Variants in SHPRH observed in about 807,000 individuals in gnomAD.
SHPRH encodes E3 ubiquitin-protein ligase SHPRH.
In SHPRH, 106 loss-of-function variants were observed where a neutral mutation model predicts 202.5. The ratio of observed to expected loss-of-function variants is 0.52; its 90% CI spans 0.45 to 0.62. SHPRH has a LOEUF of 0.62. Among genes scored for constraint, SHPRH ranks in the 20% least tolerant of loss-of-function variants. The pLI, the probability that SHPRH is intolerant of heterozygous loss-of-function variation, is 0.00. For synonymous variants in SHPRH, 729 were observed against 686.0 expected, an observed-to-expected ratio of 1.06 and a Z score of -0.98; for missense variants, 1,710 against 2,020.0, an observed-to-expected ratio of 0.85 and a Z score of 2.94.
At chr6:145,902,317 C>G (rs1235961213) in intron 25 of SHPRH, among the ~76,000 whole-genome samples, 1 of 152,078 alleles carries the variant, frequency 6.6e-6, no homozygotes, top group Non-Finnish European at 1.5e-5. Context: ...CTTATCTGCT[C>G]TAACAGGTGC....
chr6:145,922,551 G>A (rs1784514713), intron 19 of SHPRH, 112 bp downstream of exon 19: 1 of 1,325,808 alleles, frequency 7.5e-7, no homozygotes, highest in East Asian at 2.5e-5. Flanking sequence ...TTCTACTTCT[G>A]TCTCAATTAA....
chr6:145,943,071 A>G (rs1786965785), intron 9 of SHPRH, 72 bp downstream of exon 9: 2 of 1,473,974 alleles, frequency 1.4e-6, no homozygotes, highest in African/African-American at 2.8e-5. Flanking sequence ...CAAAGAAACA[A>G]AGATTAGGAA....
rs768492394 is a variant in SHPRH at position 145,943,130 on chromosome 6, C to T, written c.2238+13G>A. On this transcript the variant is annotated intron_variant, in intron 9 of 29. Coordinates refer to ENST00000275233, the MANE Select transcript of SHPRH (RefSeq NM_001042683.3). ...TACATTTTCCTCTCCCTCTTTAGTCCAAGTGGCCTTACCAAGACTCGAAGA... is the reference window on the plus strand; with the variant it reads ...TACATTTTCCTCTCCCTCTTTAGTCTAAGTGGCCTTACCAAGACTCGAAGA... 3.2e-6 allele frequency: 5 copies of T among 1,559,546 alleles called. No individual in the cohort carries two copies.
intron 2 of SHPRH, among the ~76,000 whole-genome samples, chr6:145,875,669 G>C (rs1185080809): frequency 6.6e-6 from 1 of 152,140 alleles, no homozygotes; most frequent in African/African-American, 2.4e-5. Context: ...CGTCATGAGG[G>C]TTAATGAGAG....
intron 25 of SHPRH, chr6:145,908,744 A>T (rs1469490344): frequency 2.6e-5 from 4 of 151,994 alleles, no homozygotes; most frequent in African/African-American, 7.2e-5. Context: ...GCTCTGCAGA[A>T]GCTCTTTAAT....
chr6:145,955,231 T>G lies in SHPRH; in HGVS notation c.92A>C (p.Asn31Thr), dbSNP rs1238193143. 1 of 1,613,558 alleles carries G rather than the reference T, an allele frequency of 6.2e-7. No homozygotes were observed. Among genetic ancestry groups the G allele is most frequent in the Admixed American group, 1.7e-5 (1 of 60,010 alleles). The change falls in exon 2 of 30, where the codon AAT becomes ACT. Residue 31 changes from asparagine (N) to threonine (T), a missense_variant. This residue lies in a region of SHPRH where 459 missense variants were observed against 426.5 expected (regional missense o/e 1.08). Coordinates refer to ENST00000275233, the MANE Select transcript of SHPRH (RefSeq NM_001042683.3). ...ATCATCACTTATGATGATAGGTTCA[T>G]TCCTTCTGTCCTCATGCATATTCCA... ...LHWNMHEDRR[N>T]EPIIISDDDE...
intron 24 of SHPRH, among the ~76,000 whole-genome samples, chr6:145,912,704 C>A (rs774455454): frequency 3.9e-5 from 6 of 151,990 alleles, no homozygotes; most frequent in Non-Finnish European, 8.8e-5. Context: ...AAGGTACTTT[C>A]TTCTTGATTA....
rs993567257 is a variant in SHPRH at position 145,884,886 on chromosome 6, GT to G, written c.*1804del. On this transcript the variant is annotated 3_prime_UTR_variant, in exon 30 of 30. Coordinates refer to ENST00000275233, the MANE Select transcript of SHPRH (RefSeq NM_001042683.3). ...AACAGTTTTTGTCTAATACAGATAG[GT>G]TTTTTTATATATATGTAATTTGATT... is the stretch of plus-strand genomic sequence containing the variant. The G allele has an allele frequency of 1.5e-4, 23 of 151,922 alleles. No individual in the cohort carries two copies. The highest frequency in any genetic ancestry group is 4.8e-4 in the African/African-American group (20 of 41,364). 9.4% of individuals were successfully genotyped at this position (151,922 alleles called of 1,614,324 possible).
At chr6:145,867,536 G>C (rs1367366266) in intron 2 of SHPRH, among the ~76,000 whole-genome samples, 2 of 147,714 alleles carry the variant, frequency 1.4e-5, no homozygotes, top group Non-Finnish European at 3.0e-5. Context: ...AGCTGCAGTG[G>C]GCTGTGATTG....
At chr6:145,887,821 T>A (rs1051959555) in intron 29 of SHPRH, among the ~76,000 whole-genome samples, 199 bp downstream of exon 29, 4 of 152,214 alleles carry the variant, frequency 2.6e-5, no homozygotes, top group African/African-American at 9.6e-5. Context: ...ATTTACATGT[T>A]ACAATTAATA....
Position 145,918,217 on chromosome 6 carries a change from T to C in SHPRH, c.4168A>G (p.Ile1390Val), listed in dbSNP as rs1784118428. ...IEPHEVEQNRIKLLNDKAVAT... is the reference protein window; with the variant it reads ...IEPHEVEQNRVKLLNDKAVAT... ...ACAGCTTTATCATTTAGTAGTTTTA[T>C]TCGGTTTTGTTCTACCTAAAGAAAA... The change falls in exon 23 of 30, where the codon ATA (isoleucine) becomes GTA (valine). Residue 1390 changes from isoleucine to valine, a missense_variant. Transcript: ENST00000275233. 3 of 1,581,674 alleles carry C rather than the reference T, an allele frequency of 1.9e-6. No homozygotes were observed. The highest frequency in any genetic ancestry group is 2.3e-5 in the East Asian group (1 of 43,532).
At chr6:145,886,982 A>AG (rs1781078156) in intron 29 of SHPRH, among the ~76,000 whole-genome samples, 195 bp from the exon 30 acceptor site, 1 of 152,210 alleles carries the variant, frequency 6.6e-6, no homozygotes, top group South Asian at 2.1e-4. Flanking sequence ...TATTACTTTT[A>AG]GTGTTTGTCA....
intron 2 of SHPRH, among the ~76,000 whole-genome samples, chr6:145,867,139 T>G (rs1184329883): frequency 2.6e-5 from 4 of 152,194 alleles, no homozygotes; most frequent in African/African-American, 4.8e-5. Context: ...ATTTTTTAAC[T>G]GTTTCAGTAT....
chr6:145,921,517 T>C, intron 20 of SHPRH, 125 bp from the exon 21 acceptor site: 1 of 897,450 alleles, frequency 1.1e-6, no homozygotes, highest in Non-Finnish European at 1.6e-6. Flanking sequence ...TTGAAAAAGC[T>C]GAAAACATCA....
intron 28 of SHPRH, among the ~76,000 whole-genome samples, chr6:145,888,992 G>A (rs995230249): frequency 2.0e-5 from 3 of 152,152 alleles, no homozygotes; most frequent in African/African-American, 7.2e-5. Context: ...AGCTCAGGGT[G>A]GGAGTGAGAG....
intron 25 of SHPRH, chr6:145,907,474 A>T (rs748937354): frequency 6.6e-6 from 1 of 152,152 alleles, no homozygotes; most frequent in African/African-American, 2.4e-5. Flanking sequence ...CCCTGCTTAT[A>T]ATATTTAATG....
Position 145,874,531 on chromosome 6 carries a change from ATAATG to A in SHPRH, c.222-10045_222-10041del, listed in dbSNP as rs146208693. 5.3e-4 allele frequency among the ~76,000 whole-genome samples: 81 copies of A among 152,340 alleles called. 1 individual carries two copies. The East Asian group carries it at 0.013, about 24-fold the overall frequency. ...CAAAAATTGTACATATTTAAGGTGT[ATAATG>A]TAATGTTTTGATATACATATACATT... On this transcript the variant is annotated intron_variant, in intron 2 of 2. Transcript: ENST00000417762.
At position 145,884,885 on chromosome 6, in the gene SHPRH, G is replaced by C. The variant is rs1235544213; in HGVS notation, c.*1806C>G. On this transcript the variant is annotated 3_prime_UTR_variant, in exon 30 of 30. Coordinates refer to ENST00000275233, the MANE Select transcript of SHPRH (RefSeq NM_001042683.3). ...AAACAGTTTTTGTCTAATACAGATA[G>C]GTTTTTTTATATATATGTAATTTGA... 6.6e-6 allele frequency: 1 copy of C among 151,934 alleles called. No individual in the cohort carries two copies. The highest frequency in any genetic ancestry group is 1.5e-5 in the Non-Finnish European group (1 of 67,964). The allele number at this position is 151,934 out of a possible 1,614,324, so 9.4% of individuals were successfully genotyped here. A position where few individuals can be genotyped will look rare whatever the true frequency, so the allele number is the denominator to read the frequency against.
At chr6:145,868,555 C>T (rs574171715) in intron 2 of SHPRH, among the ~76,000 whole-genome samples, 2 of 152,306 alleles carry the variant, frequency 1.3e-5, no homozygotes, top group South Asian at 4.1e-4. Flanking sequence ...CACTTGTTTT[C>T]AGTCCGGCTA....
Sources: allele counts gnomAD v4.1 joint callset (sites outside exome capture counted in the v4.1 genomes callset), GRCh38; gene constraint gnomAD v4.1.1; regional missense constraint gnomAD v4.1.1; transcripts MANE v1.5; gene names NCBI Gene and HGNC (gene_info 2026-07-23, HGNC 2026-07-21).